ARHGEF3: variants seen among roughly 807,000 people sequenced by gnomAD.
The protein encoded by ARHGEF3 is Rho guanine nucleotide exchange factor 3, also known as 59.8 kDA protein.
A neutral mutation model predicts 63.2 loss-of-function variants in ARHGEF3; 28 were observed. That is an observed-to-expected ratio of 0.44 (90% CI 0.33 to 0.61). The LOEUF is 0.61. Among genes scored for constraint, ARHGEF3 ranks in the 20% least tolerant of loss-of-function variants. The pLI, the probability that ARHGEF3 is intolerant of heterozygous loss-of-function variation, is 0.03. For synonymous variants in ARHGEF3, 266 were observed against 254.2 expected, an observed-to-expected ratio of 1.05 and a Z score of -0.44; for missense variants, 533 against 659.3, an observed-to-expected ratio of 0.81 and a Z score of 2.10.
intron 2 of ARHGEF3, among the ~76,000 whole-genome samples, chr3:56,968,122 AAAAC>A (rs1700690204): frequency 2.2e-4 from 9 of 41,444 alleles, no homozygotes; most frequent in Non-Finnish European, 2.8e-4. Context: ...TAATATATAT[AAAAC>A]ATATATTTTT....
chr3:56,984,027 A>G (rs1701440246), intron 2 of ARHGEF3, among the ~76,000 whole-genome samples: 1 of 151,638 alleles, frequency 6.6e-6, no homozygotes, highest in African/African-American at 2.4e-5. Context: ...ACATAGAAGG[A>G]CCCCACAGTC....
At chr3:56,885,600 TCCAGA>T (rs2040897420) in intron 3 of ARHGEF3, among the ~76,000 whole-genome samples, 1 of 152,232 alleles carries the variant, frequency 6.6e-6, no homozygotes, top group South Asian at 2.1e-4. Context: ...TGCAGCCCTC[TCCAGA>T]CCAATTCAAC....
intron 1 of ARHGEF3, chr3:56,775,716 G>C: frequency 1.0e-6 from 1 of 984,300 alleles, no homozygotes; most frequent in Non-Finnish European, 1.2e-6. Flanking sequence ...TTGAGCATTT[G>C]TGCTCAGAGG....
At chr3:56,839,278 A>C (rs190647060) in intron 4 of ARHGEF3, among the ~76,000 whole-genome samples, 61 of 152,292 alleles carry the variant, frequency 4.0e-4, no homozygotes, top group African/African-American at 1.4e-3. Flanking sequence ...CTTGTGTATT[A>C]GTATATGAGT....
intron 2 of ARHGEF3, among the ~76,000 whole-genome samples, chr3:56,768,976 G>T (rs762893039): frequency 6.6e-6 from 1 of 152,224 alleles, no homozygotes; most frequent in Non-Finnish European, 1.5e-5. Context: ...CTCAGAGTAC[G>T]TGAGCTCTGC....
intron 4 of ARHGEF3, among the ~76,000 whole-genome samples, chr3:56,753,191 AAG>A (rs1260190588): frequency 6.6e-6 from 1 of 152,246 alleles, no homozygotes; most frequent in Non-Finnish European, 1.5e-5. Flanking sequence ...CCTATGGGCA[AAG>A]AGTCCTACAT....
intron 2 of ARHGEF3, among the ~76,000 whole-genome samples, chr3:56,760,298 G>C (rs2035345212): frequency 6.6e-6 from 1 of 151,066 alleles, no homozygotes; most frequent in Non-Finnish European, 1.5e-5. Context: ...TTATCAATCT[G>C]ATAGGTTAAA....
chr3:56,921,359 T>G (rs2042136679), intron 3 of ARHGEF3, among the ~76,000 whole-genome samples: 1 of 130,974 alleles, frequency 7.6e-6, no homozygotes, highest in African/African-American at 2.7e-5. Flanking sequence ...TTTCTAAGAC[T>G]GTTGTCAAAT....
intron 4 of ARHGEF3, among the ~76,000 whole-genome samples, chr3:56,843,560 C>T (rs1027789724): frequency 6.6e-6 from 1 of 152,180 alleles, no homozygotes; most frequent in Non-Finnish European, 1.5e-5. Flanking sequence ...AGCCACCATG[C>T]CCAGCCCAAA....
chr3:56,823,374 A>G (rs1215868768), intron 4 of ARHGEF3, among the ~76,000 whole-genome samples: 1 of 152,150 alleles, frequency 6.6e-6, no homozygotes, highest in African/African-American at 2.4e-5. Context: ...AGGAGCCCCA[A>G]TTCTCCATCT....
chr3:56,948,456 G>A (rs140744445), intron 3 of ARHGEF3, among the ~76,000 whole-genome samples: 35,371 of 151,910 alleles, frequency 0.23, 4,361 homozygotes, highest in Middle Eastern at 0.4. Flanking sequence ...TATCACCACC[G>A]ATCCCACAGA....
chr3:57,067,989 C>CAA (rs113906945), intron 1 of ARHGEF3, among the ~76,000 whole-genome samples: 1 of 151,024 alleles, frequency 6.6e-6, no homozygotes, highest in African/African-American at 2.4e-5. Context: ...GACTCCGTCT[C>CAA]AAAAAAAACA....
Position 57,036,916 on chromosome 3 carries a change from T to C in ARHGEF3, c.-27-1740A>G, listed in dbSNP as rs573750639. On this transcript the variant is annotated intron_variant, in intron 1 of 12. Transcript: ENST00000338458. ...CAGGCCTGGCCAGATTAAAGCACCATTTAGATAAATTCTCCAATCTAGGTG... is the reference window on the plus strand; with the variant it reads ...CAGGCCTGGCCAGATTAAAGCACCACTTAGATAAATTCTCCAATCTAGGTG... Among the ~76,000 whole-genome samples the C allele has an allele frequency of 1.6e-4, 24 of 152,286 alleles. No homozygotes were observed. The South Asian group carries it at 3.9e-3, about 25-fold the overall frequency.
At chr3:56,786,458 G>GT (rs2107897572) in intron 1 of ARHGEF3, among the ~76,000 whole-genome samples, 1 of 152,312 alleles carries the variant, frequency 6.6e-6, no homozygotes, top group African/African-American at 2.4e-5. Context: ...TGGGAGGGGT[G>GT]TATGTGCATG....
chr3:57,001,504 G>T (rs1294175542), intron 2 of ARHGEF3, among the ~76,000 whole-genome samples: 1 of 152,132 alleles, frequency 6.6e-6, no homozygotes, highest in African/African-American at 2.4e-5. Flanking sequence ...AACTCAACAC[G>T]TTCCCAAGTT....
intron 4 of ARHGEF3, among the ~76,000 whole-genome samples, chr3:56,842,947 G>A (rs1481599049): frequency 6.6e-6 from 1 of 152,030 alleles, no homozygotes; most frequent in Non-Finnish European, 1.5e-5. Flanking sequence ...GCCACCAGTT[G>A]GCTGACTTTG....
At chr3:57,033,587 T>C (rs1703824250) in intron 2 of ARHGEF3, among the ~76,000 whole-genome samples, 2 of 152,044 alleles carry the variant, frequency 1.3e-5, no homozygotes, top group Non-Finnish European at 2.9e-5. Context: ...GTTCTACGTA[T>C]CTAGATAACT....
intron 3 of ARHGEF3, chr3:56,958,725 A>G: frequency 7.8e-7 from 1 of 1,278,134 alleles, no homozygotes; most frequent in South Asian, 1.3e-5. Flanking sequence ...GGAGACTTTG[A>G]TTAGTAAAAC....
intron 3 of ARHGEF3, chr3:56,882,449 C>A: frequency 1.0e-6 from 1 of 970,350 alleles, no homozygotes. Flanking sequence ...CACATGCAAT[C>A]CTTATCATTT....
Sources: allele counts gnomAD v4.1 joint callset (sites outside exome capture counted in the v4.1 genomes callset), GRCh38; gene constraint gnomAD v4.1.1; transcripts MANE v1.5; gene names NCBI Gene and HGNC (gene_info 2026-07-23, HGNC 2026-07-21).